The following LY6S variants were observed in gnomAD, a reference collection of about 807,000 sequenced individuals.
The protein encoded by LY6S is lymphocyte antigen 6 family member S.
At chr8:143,069,573 C>T in the LY6S span, among the ~76,000 whole-genome samples, 1 of 152,184 alleles carries the variant, frequency 6.6e-6, no homozygotes, top group Non-Finnish European at 1.5e-5. Context: ...CCAGCCCGTG[C>T]TCCAGGTGAA....
At chr8:143,070,463 TAATATATATATAA>T in the LY6S span, among the ~76,000 whole-genome samples, 79 of 39,166 alleles carry the variant, frequency 2.0e-3, no homozygotes, top group East Asian at 6.6e-3. Context: ...TATATATATA[TAATATATATATAA>T]ATATATATAT....
chr8:143,044,097 C>T, the LY6S span: 6 of 455,882 alleles, frequency 1.3e-5, no homozygotes, highest in South Asian at 9.3e-5. Context: ...TGCAGCCCCT[C>T]CCCAGTCCTC....
the LY6S span, among the ~76,000 whole-genome samples, chr8:143,058,563 C>A: frequency 6.6e-6 from 1 of 152,212 alleles, no homozygotes; most frequent in Admixed American, 6.5e-5. Context: ...AACATGAAAG[C>A]GGACTAGGAG....
the LY6S span, among the ~76,000 whole-genome samples, chr8:143,075,571 G>C: frequency 6.6e-6 from 1 of 152,112 alleles, no homozygotes; most frequent in Non-Finnish European, 1.5e-5. The surrounding 1 kb of genome is among the most constrained non-coding windows in gnomAD (Gnocchi z 4.1). Flanking sequence ...AGGCGTGGTG[G>C]TGCACAACTG....
the LY6S span, among the ~76,000 whole-genome samples, chr8:143,072,914 C>T: frequency 1.9e-5 from 2 of 106,228 alleles, no homozygotes; most frequent in Admixed American, 9.4e-5. Context: ...AGGAGACAGC[C>T]GTCATCCCCG....
chr8:143,049,093 C>T, the LY6S span: 3,032 of 509,020 alleles, frequency 6.0e-3, 66 homozygotes, highest in African/African-American at 0.054. Flanking sequence ...CCGTGACCTC[C>T]TAGCGCCCTG....
the LY6S span, chr8:143,066,169 T>TTTCTTTTCTC: frequency 3.1e-6 from 1 of 322,574 alleles, no homozygotes; most frequent in South Asian, 2.6e-5. Context: ...TTTCTTTTCT[T>TTTCTTTTCTC]TTCTTTTCTT....
At chr8:143,073,549 G>C in the LY6S span, among the ~76,000 whole-genome samples, 1,189 of 122,582 alleles carry the variant, frequency 9.7e-3, 7 homozygotes, top group East Asian at 0.02. Flanking sequence ...GTCCCTGTTT[G>C]AGGAGACAGC....
chr8:143,048,169 C>T, the LY6S span, among the ~76,000 whole-genome samples: 32 of 152,146 alleles, frequency 2.1e-4, no homozygotes, highest in Non-Finnish European at 3.7e-4. Context: ...GGTTGGCTGC[C>T]GCTGGTTTGC....
At chr8:143,047,247 C>T in the LY6S span, among the ~76,000 whole-genome samples, 7 of 151,420 alleles carry the variant, frequency 4.6e-5, no homozygotes, top group African/African-American at 1.7e-4. Flanking sequence ...TCAAGTGATT[C>T]TCCTGCCTCA....
At chr8:143,041,031 C>T in the LY6S span, among the ~76,000 whole-genome samples, 694 of 152,190 alleles carry the variant, frequency 4.6e-3, 9 homozygotes, top group African/African-American at 0.016. Flanking sequence ...GGAGGCAGGG[C>T]GAGATCACAG....
the LY6S span, among the ~76,000 whole-genome samples, chr8:143,054,917 C>A: frequency 6.6e-6 from 1 of 152,200 alleles, no homozygotes; most frequent in East Asian, 1.9e-4. Flanking sequence ...AGCTGGACTC[C>A]CTGGCTGCCG....
chr8:143,051,170 G>T, the LY6S span, among the ~76,000 whole-genome samples: 1 of 152,222 alleles, frequency 6.6e-6, no homozygotes, highest in East Asian at 1.9e-4. Flanking sequence ...TGACAGGAAA[G>T]CTAAGAGGGA....
At chr8:143,073,978 G>A in the LY6S span, among the ~76,000 whole-genome samples, 7 of 150,466 alleles carry the variant, frequency 4.7e-5, no homozygotes, top group South Asian at 4.2e-4. Context: ...CGTCGTCCCC[G>A]GGGTCCCTGT....
chr8:143,041,710 T>G, the LY6S span, among the ~76,000 whole-genome samples: 1 of 152,170 alleles, frequency 6.6e-6, no homozygotes, highest in Non-Finnish European at 1.5e-5. Context: ...TAAGAAATTA[T>G]AAAAGTATTA....
At chr8:143,075,401 A>G in the LY6S span, among the ~76,000 whole-genome samples, 2 of 152,196 alleles carry the variant, frequency 1.3e-5, no homozygotes, top group Non-Finnish European at 2.9e-5. This position sits in a 1 kb window ranked among gnomAD's most constrained non-coding sequence, Gnocchi z 4.1. Flanking sequence ...ATGGCTGAGA[A>G]CATTATTAAT....
At chr8:143,044,919 C>T in the LY6S span, 1 of 1,053,602 alleles carries the variant, frequency 9.5e-7, no homozygotes, top group South Asian at 1.6e-5. Flanking sequence ...TCCCAACCTG[C>T]CACCTGGACC....
chr8:143,073,832 C>T, the LY6S span, among the ~76,000 whole-genome samples: 3 of 146,108 alleles, frequency 2.1e-5, no homozygotes, highest in Admixed American at 1.4e-4. Flanking sequence ...AGGAGACAGC[C>T]GTCGTCCCCG....
At chr8:143,074,518 C>T in the LY6S span, among the ~76,000 whole-genome samples, 1 of 152,012 alleles carries the variant, frequency 6.6e-6, no homozygotes, top group African/African-American at 2.4e-5. Context: ...ATATAATAAA[C>T]ACTTATTTTT....
Sources: gnomAD v4.1 joint callset for allele counts (sites outside exome capture counted in the v4.1 genomes callset) on GRCh38, gnomAD v4.1.1 for gene constraint, Gnocchi (gnomAD v3.1) non-coding constraint, MANE v1.5 for transcripts, NCBI Gene and HGNC (gene_info 2026-07-23, HGNC 2026-07-21) for gene names.